CAMKMT: variants seen among roughly 807,000 people sequenced by gnomAD.
CAMKMT encodes calmodulin-lysine N-methyltransferase.
CAMKMT carries 53 observed loss-of-function variants against 48.0 expected under a neutral mutation model. The observed-to-expected ratio is 1.10, with a 90% confidence interval of 0.89 to 1.39. CAMKMT has a LOEUF of 1.39. Among genes scored for constraint, CAMKMT ranks in the 40% most tolerant of loss-of-function variants. The pLI is 0.00. For synonymous variants in CAMKMT, 165 were observed against 152.3 expected, an observed-to-expected ratio of 1.08 and a Z score of -0.61; for missense variants, 428 against 402.7, an observed-to-expected ratio of 1.06 and a Z score of -0.54.
intron 3 of CAMKMT, among the ~76,000 whole-genome samples, chr2:44,472,318 G>T (rs1288063874): frequency 6.6e-6 from 1 of 152,042 alleles, no homozygotes; most frequent in African/African-American, 2.4e-5. Flanking sequence ...TTTAATCAGT[G>T]TATGAAATTT....
At chr2:44,578,740 T>C (rs1420396498) in intron 3 of CAMKMT, among the ~76,000 whole-genome samples, 1 of 152,170 alleles carries the variant, frequency 6.6e-6, no homozygotes, top group Non-Finnish European at 1.5e-5. Context: ...TGGTCCGTAT[T>C]ATTTTTAAGT....
intron 3 of CAMKMT, among the ~76,000 whole-genome samples, chr2:44,415,027 C>G (rs1442017103): frequency 6.6e-6 from 1 of 152,174 alleles, no homozygotes; most frequent in East Asian, 1.9e-4. Context: ...GGCGGTGTGC[C>G]TGTAGTCCTA....
At chr2:44,362,282 G>A in intron 1 of CAMKMT, 137 bp downstream of exon 1, 1 of 704,658 alleles carries the variant, frequency 1.4e-6, no homozygotes, top group South Asian at 2.5e-5. Flanking sequence ...CACCTGCGAA[G>A]CTCCCCCTCG....
chr2:44,426,216 G>C (rs913647047), intron 3 of CAMKMT, among the ~76,000 whole-genome samples: 1 of 152,124 alleles, frequency 6.6e-6, no homozygotes, highest in Non-Finnish European at 1.5e-5. Context: ...TGGAAAAGGC[G>C]GGTAAATCAA....
intron 3 of CAMKMT, among the ~76,000 whole-genome samples, chr2:44,537,140 A>C (rs956935483): frequency 6.6e-6 from 1 of 152,212 alleles, no homozygotes; most frequent in African/African-American, 2.4e-5. Flanking sequence ...AAGCATAGAC[A>C]ACAAAAACAA....
intron 3 of CAMKMT, among the ~76,000 whole-genome samples, chr2:44,399,603 C>T (rs1682173047): frequency 6.6e-6 from 1 of 151,200 alleles, no homozygotes; most frequent in Admixed American, 6.6e-5. Context: ...GGTTCTACAC[C>T]TCTTAAATAC....
intron 3 of CAMKMT, among the ~76,000 whole-genome samples, chr2:44,570,603 A>G (rs1377596451): frequency 6.6e-6 from 1 of 152,226 alleles, no homozygotes; most frequent in Non-Finnish European, 1.5e-5. Flanking sequence ...CAAAACAGAA[A>G]CAATATAGGA....
In CAMKMT at chr2:44,533,385, C is replaced by A. The variant is rs532549847; in HGVS notation, c.376+143080C>A. On this transcript the variant is annotated intron_variant, in intron 3 of 10. Coordinates refer to ENST00000378494, the MANE Select transcript of CAMKMT (RefSeq NM_024766.5). The stretch of plus-strand genomic sequence containing the variant: ...TCCTAAGTAGCTGGGATTACAGGTG[C>A]CCACCACCACACCCAGCTGATTTTT... Among the ~76,000 whole-genome samples the A allele has an allele frequency of 3.3e-5, 5 of 151,566 alleles. No individual in the cohort carries two copies. In the East Asian group the frequency reaches 7.9e-4, roughly 24 times the overall value.
intron 3 of CAMKMT, among the ~76,000 whole-genome samples, chr2:44,695,022 C>G (rs1676861884): frequency 6.6e-6 from 1 of 152,148 alleles, no homozygotes; most frequent in Admixed American, 6.5e-5. Context: ...CTAGAATAAA[C>G]TATTAATTTA....
In CAMKMT at chr2:44,426,056, C is replaced by T. The variant is rs547187592; in HGVS notation, c.376+35751C>T. On this transcript the variant is annotated intron_variant, in intron 3 of 10. Transcript: ENST00000378494. ...AGGATTGTATCTTTTAAGCAGAAAA[C>T]TTAATAGCTTTGTTCATGACTTAAA... Among the ~76,000 whole-genome samples, 6 of 152,174 alleles carry T rather than the reference C, an allele frequency of 3.9e-5. No homozygotes were observed. In the East Asian group the frequency reaches 1.2e-3, roughly 29 times the overall value.
intron 3 of CAMKMT, among the ~76,000 whole-genome samples, chr2:44,456,301 A>G (rs1020817802): frequency 2.0e-5 from 3 of 152,222 alleles, no homozygotes; most frequent in Admixed American, 6.5e-5. Context: ...TAATCTGACT[A>G]TAGGGTTGGT....
chr2:44,714,392 C>G, intron 6 of CAMKMT, among the ~76,000 whole-genome samples: 1 of 152,170 alleles, frequency 6.6e-6, no homozygotes, highest in East Asian at 1.9e-4. Flanking sequence ...GAAAACATGT[C>G]TTCCATAAAT....
At chr2:44,706,478 T>C (rs916193900) in intron 5 of CAMKMT, 137 bp downstream of exon 5, 2 of 735,678 alleles carry the variant, frequency 2.7e-6, no homozygotes, top group Non-Finnish European at 4.7e-6. Flanking sequence ...AGAGACCTTC[T>C]AGATTGACTT....
chr2:44,366,888 A>G (rs1270426859), intron 1 of CAMKMT, among the ~76,000 whole-genome samples: 2 of 151,818 alleles, frequency 1.3e-5, no homozygotes, highest in African/African-American at 4.8e-5. Flanking sequence ...CGCCTGGCTA[A>G]TTTTTGTATT....
intron 1 of CAMKMT, among the ~76,000 whole-genome samples, chr2:44,372,193 T>C (rs1350702448): frequency 2.0e-5 from 3 of 152,116 alleles, no homozygotes; most frequent in South Asian, 2.1e-4. Context: ...TTTAAAGATA[T>C]AAGACTGCAA....
intron 3 of CAMKMT, among the ~76,000 whole-genome samples, chr2:44,625,091 T>C (rs1042739340): frequency 2.0e-4 from 30 of 152,238 alleles, no homozygotes; most frequent in African/African-American, 1.9e-4. Context: ...TCTAAAGTGA[T>C]TGTACCATTT....
At chr2:44,535,563 G>A (rs1017349459) in intron 3 of CAMKMT, among the ~76,000 whole-genome samples, 9 of 152,138 alleles carry the variant, frequency 5.9e-5, no homozygotes, top group African/African-American at 1.7e-4. Flanking sequence ...ATTTAAAACA[G>A]GGATGCAAAG....
chr2:44,540,467 C>T (rs1667034179), intron 3 of CAMKMT, among the ~76,000 whole-genome samples: 2 of 152,076 alleles, frequency 1.3e-5, no homozygotes, highest in Admixed American at 6.5e-5. Flanking sequence ...AACTCAGATA[C>T]GAGGCCAGGC....
chr2:44,699,459 CT>C (rs1474263902), intron 3 of CAMKMT, among the ~76,000 whole-genome samples: 1 of 152,106 alleles, frequency 6.6e-6, no homozygotes, highest in East Asian at 1.9e-4. Flanking sequence ...AAGGGAAGTG[CT>C]TTTTTCGGAG....
Sources: allele counts gnomAD v4.1 joint callset (sites outside exome capture counted in the v4.1 genomes callset), GRCh38; gene constraint gnomAD v4.1.1; transcripts MANE v1.5; gene names NCBI Gene and HGNC (gene_info 2026-07-23, HGNC 2026-07-21).